PPM1H: variants seen among roughly 807,000 people sequenced by gnomAD.
The protein encoded by PPM1H is protein phosphatase, Mg2+/Mn2+ dependent 1H.
A neutral mutation model predicts 54.9 loss-of-function variants in PPM1H; 27 were observed. The ratio of observed to expected loss-of-function variants is 0.49; its 90% CI spans 0.36 to 0.68. The LOEUF (loss-of-function observed/expected upper bound fraction) is 0.68. Among genes scored for constraint, PPM1H ranks in the 30% least tolerant of loss-of-function variants. PPM1H has a pLI of 0.00. For synonymous variants in PPM1H, 305 were observed against 270.8 expected (o/e 1.13, Z -1.24); for missense variants, 596 against 667.8 (o/e 0.89, Z 1.19).
At chr12:62,690,277 T>A (rs1254869889) in intron 7 of PPM1H, among the ~76,000 whole-genome samples, 1 of 152,222 alleles carries the variant, frequency 6.6e-6, no homozygotes, top group Non-Finnish European at 1.5e-5. Context: ...ACCAGCTATG[T>A]CCTTAGTCCT....
intron 1 of PPM1H, among the ~76,000 whole-genome samples, chr12:62,868,759 GGCACACAAATGGGT>G (rs528363443): frequency 2.3e-3 from 343 of 152,298 alleles, no homozygotes; most frequent in Non-Finnish European, 3.5e-3. Context: ...AGCAGCCACT[GGCACACAAATGGGT>G]GCGCACGATG....
chr12:62,687,673 T>C (rs1030687535), intron 8 of PPM1H, among the ~76,000 whole-genome samples: 9 of 152,094 alleles, frequency 5.9e-5, no homozygotes, highest in African/African-American at 2.2e-4. Context: ...TAGAGTTATG[T>C]CTAAATGTTC....
chr12:62,839,843 G>A (rs1868657883), intron 1 of PPM1H, among the ~76,000 whole-genome samples: 1 of 148,966 alleles, frequency 6.7e-6, no homozygotes, highest in South Asian at 2.1e-4. Context: ...TTTGAGACCA[G>A]CCTGGTCAAC....
At chr12:62,827,678 C>T (rs1868305788) in intron 2 of PPM1H, among the ~76,000 whole-genome samples, 1 of 152,178 alleles carries the variant, frequency 6.6e-6, no homozygotes, top group African/African-American at 2.4e-5. Context: ...CCTGTCTTTG[C>T]CTATACATGT....
chr12:62,838,637 T>TCCCAGAGGGTTTCAC, intron 1 of PPM1H, among the ~76,000 whole-genome samples: 1 of 144,444 alleles, frequency 6.9e-6, no homozygotes, highest in African/African-American at 2.7e-5. Context: ...TAATAGCTTC[T>TCCCAGAGGGTTTCAC]CTGGCCGGGC....
chr12:62,828,110 C>G (rs898215106), intron 2 of PPM1H, among the ~76,000 whole-genome samples: 1 of 152,142 alleles, frequency 6.6e-6, no homozygotes, highest in African/African-American at 2.4e-5. Context: ...TATCACCATC[C>G]TTTCCTAAGT....
intron 2 of PPM1H, among the ~76,000 whole-genome samples, chr12:62,823,442 C>CA (rs1478361357): frequency 3.3e-5 from 5 of 151,822 alleles, no homozygotes; most frequent in Admixed American, 6.6e-5. Flanking sequence ...AGAGACACAA[C>CA]AAAAAAAGAG....
At chr12:62,675,801 G>A (rs1272531726) in intron 8 of PPM1H, among the ~76,000 whole-genome samples, 1 of 152,162 alleles carries the variant, frequency 6.6e-6, no homozygotes, top group Admixed American at 6.5e-5. Flanking sequence ...CACCACAGCA[G>A]GTTTTCAGAG....
chr12:62,834,297 G>A (rs776235193), intron 1 of PPM1H, among the ~76,000 whole-genome samples: 4 of 152,120 alleles, frequency 2.6e-5, no homozygotes, highest in Non-Finnish European at 5.9e-5. Flanking sequence ...TTCCTCTAAG[G>A]AAAGACATTT....
At chr12:62,727,306 C>T (rs757005608) in intron 5 of PPM1H, among the ~76,000 whole-genome samples, 2 of 151,816 alleles carry the variant, frequency 1.3e-5, no homozygotes, top group Non-Finnish European at 2.9e-5. Context: ...AGAATGAATA[C>T]AGGACATTCT....
At chr12:62,812,215 C>T (rs1297019243) in intron 2 of PPM1H, among the ~76,000 whole-genome samples, 13 of 152,142 alleles carry the variant, frequency 8.5e-5, no homozygotes, top group Non-Finnish European at 1.5e-4. Flanking sequence ...TCAAATGTTT[C>T]GGCAATGGCT....
intron 4 of PPM1H, among the ~76,000 whole-genome samples, chr12:62,776,924 G>C (rs1401894447): frequency 2.0e-5 from 3 of 152,226 alleles, no homozygotes; most frequent in African/African-American, 7.2e-5. Context: ...AGTAAGGACT[G>C]CTCAGTGAAC....
intron 1 of PPM1H, among the ~76,000 whole-genome samples, chr12:62,851,197 A>C (rs1869173668): frequency 6.6e-6 from 1 of 152,190 alleles, no homozygotes; most frequent in Admixed American, 6.5e-5. Flanking sequence ...ACGAGACAGT[A>C]AAAGTGTAAG....
chr12:62,833,523 T>C (rs2120864698), intron 1 of PPM1H, among the ~76,000 whole-genome samples: 1 of 152,250 alleles, frequency 6.6e-6, no homozygotes, highest in South Asian at 2.1e-4. Context: ...TCACCCAGAC[T>C]CCTGACCTTA....
intron 6 of PPM1H, among the ~76,000 whole-genome samples, chr12:62,711,500 G>T (rs534038600): frequency 5.9e-5 from 9 of 152,138 alleles, no homozygotes; most frequent in Non-Finnish European, 1.2e-4. Flanking sequence ...TGGTTAAAAG[G>T]ACACTACTTT....
rs116318274 is a variant in PPM1H at position 62,748,961 on chromosome 12, T to C, written c.870-11375A>G. Among the ~76,000 whole-genome samples, 601 of 152,332 alleles carry C rather than the reference T, an allele frequency of 3.9e-3. 5 individuals are homozygous for C. The highest frequency in any genetic ancestry group is 0.014 in the African/African-American group (564 of 41,568). ...GAGTGAAATGCTTCTGAAAACAGTCTGATACACACTGGGGTAGGAAAATAC... is the reference window on the plus strand; with the variant it reads ...GAGTGAAATGCTTCTGAAAACAGTCCGATACACACTGGGGTAGGAAAATAC... On this transcript the variant is annotated intron_variant, in intron 4 of 9. Transcript: ENST00000228705.
chr12:62,732,229 C>G (rs1054799369), intron 5 of PPM1H, among the ~76,000 whole-genome samples: 1 of 152,146 alleles, frequency 6.6e-6, no homozygotes, highest in African/African-American at 2.4e-5. Flanking sequence ...AATTAATCAC[C>G]CTGCCTGAGA....
At chr12:62,675,029 C>A (rs943646401) in intron 8 of PPM1H, among the ~76,000 whole-genome samples, 1 of 152,210 alleles carries the variant, frequency 6.6e-6, no homozygotes, top group Non-Finnish European at 1.5e-5. Context: ...GACTTCAGAA[C>A]ATTGGGCTGC....
chr12:62,895,510 G>A (rs944523984), intron 1 of PPM1H, among the ~76,000 whole-genome samples: 1 of 151,796 alleles, frequency 6.6e-6, no homozygotes, highest in African/African-American at 2.4e-5. Flanking sequence ...CTGCCCTACT[G>A]CTACGGTTTG....
Sources: allele counts gnomAD v4.1 joint callset (sites outside exome capture counted in the v4.1 genomes callset), GRCh38; gene constraint gnomAD v4.1.1; transcripts MANE v1.5; gene names NCBI Gene and HGNC (gene_info 2026-07-23, HGNC 2026-07-21).